The following BCAT1 variants were observed in gnomAD, a reference collection of about 807,000 sequenced individuals.
BCAT1 encodes the protein branched-chain-amino-acid aminotransferase, cytosolic.
In BCAT1, 48 loss-of-function variants were observed where a neutral mutation model predicts 52.4. The ratio of observed to expected loss-of-function variants is 0.92; its 90% CI spans 0.73 to 1.16. BCAT1 has a LOEUF of 1.16. BCAT1 is among the 50% of genes most tolerant of loss of function. The probability of loss-of-function intolerance (pLI) is 0.00; values close to 1 mark genes in which losing one functional copy is unlikely to be tolerated. For missense variants in BCAT1, 451 were observed against 457.1 expected (o/e 0.99, Z 0.12); for synonymous variants, 167 against 161.3 (o/e 1.04, Z -0.27).
chr12:24,815,455 A>G lies in BCAT1; in HGVS notation c.*2553T>C, dbSNP rs1245304371. ...AATGCTAGACCATCTTATGCCTTAA[A>G]CGATCAATTAGTGTGACAATAACTA... On this transcript the variant is annotated 3_prime_UTR_variant, in exon 11 of 11. Transcript: ENST00000261192. The G allele has an allele frequency of 1.3e-5, 2 of 152,610 alleles. No homozygotes were observed. Among genetic ancestry groups the G allele is most frequent in the East Asian group, 3.8e-4 (2 of 5,200 alleles). The allele number at this position is 152,610 out of a possible 1,614,324, so 9.5% of individuals were successfully genotyped here.
chr12:24,850,859 A>T (rs1350351994), intron 5 of BCAT1, among the ~76,000 whole-genome samples: 1 of 152,190 alleles, frequency 6.6e-6, no homozygotes, highest in Non-Finnish European at 1.5e-5. Flanking sequence ...TTCTTTGCTC[A>T]ATTAAAAACT....
chr12:24,859,138 G>A (rs1156563897), intron 5 of BCAT1, among the ~76,000 whole-genome samples: 1 of 152,158 alleles, frequency 6.6e-6, no homozygotes, highest in African/African-American at 2.4e-5. Context: ...TGTCTACAAG[G>A]TTTTCTTAAG....
rs557791024 is a variant in BCAT1 at position 24,900,486 on chromosome 12, G to A, written c.78+1328C>T. Among the ~76,000 whole-genome samples, 206 of 152,284 alleles carry A rather than the reference G, an allele frequency of 1.4e-3. 1 individual carries two copies. Among genetic ancestry groups the A allele is most frequent in the African/African-American group, 4.8e-3 (199 of 41,548 alleles). On this transcript the variant is annotated intron_variant, in intron 2 of 10. Coordinates refer to ENST00000261192, the MANE Select transcript of BCAT1 (RefSeq NM_005504.7). The stretch of plus-strand genomic sequence containing the variant: ...GCCGATAGTCTCAGGTACTTGAGAG[G>A]CTAAGAGGATCACTTGAGTCTGAGA...
rs528635829 is a variant in BCAT1 at position 24,871,745 on chromosome 12, T to C, written c.510+6785A>G. On this transcript the variant is annotated intron_variant, in intron 5 of 10. Coordinates refer to ENST00000261192, the MANE Select transcript of BCAT1 (RefSeq NM_005504.7). Reference sequence around the variant, plus strand: ...AGTAAAAAACATCCCCTGTGACAAGTTGAAATGAGCAAGAACAGCCTCAAG... The same window carrying C: ...AGTAAAAAACATCCCCTGTGACAAGCTGAAATGAGCAAGAACAGCCTCAAG... 7.9e-5 allele frequency among the ~76,000 whole-genome samples: 12 copies of C among 152,136 alleles called. 1 individual carries two copies. The highest frequency in any genetic ancestry group is 2.4e-4 in the African/African-American group (10 of 41,488).
intron 6 of BCAT1, among the ~76,000 whole-genome samples, chr12:24,846,856 T>TACTTA (rs1215882990): frequency 6.6e-6 from 1 of 152,174 alleles, no homozygotes; most frequent in Non-Finnish European, 1.5e-5. Context: ...CCAGACTGGG[T>TACTTA]GCTAAGTACT....
At position 24,825,135 on chromosome 12, in the gene BCAT1, GTATATA is replaced by G. The variant is rs10548732; in HGVS notation, c.1119+4682_1119+4687del. ...ATTGTGTGTGTGTGTGTGTGTGTGT[GTATATA>G]TATATATATATATATCTTTATGCCA... On this transcript the variant is annotated intron_variant, in intron 10 of 10. Transcript: ENST00000261192. 4.1e-3 allele frequency among the ~76,000 whole-genome samples: 593 copies of G among 146,182 alleles called. 2 individuals are homozygous for G. The highest frequency in any genetic ancestry group is 0.014 in the East Asian group (67 of 4,948).
chr12:24,864,678 G>A (rs1422903832), intron 5 of BCAT1, among the ~76,000 whole-genome samples: 2 of 152,082 alleles, frequency 1.3e-5, no homozygotes, highest in East Asian at 1.9e-4. Flanking sequence ...ACTCCCTTTA[G>A]CATCTATCCC....
At chr12:24,889,330 G>T (rs1942772347) in intron 3 of BCAT1, among the ~76,000 whole-genome samples, 1 of 152,100 alleles carries the variant, frequency 6.6e-6, no homozygotes. Context: ...ACCCAATTTG[G>T]CACTCAGAGG....
chr12:24,829,221 T>C (rs1940541702), intron 10 of BCAT1, among the ~76,000 whole-genome samples: 1 of 150,254 alleles, frequency 6.7e-6, no homozygotes, highest in South Asian at 2.1e-4. Context: ...CCATCTCTAC[T>C]AAAAACACAA....
At chr12:24,820,001 T>C (rs773123011) in intron 10 of BCAT1, among the ~76,000 whole-genome samples, 6 of 152,234 alleles carry the variant, frequency 3.9e-5, no homozygotes, top group Non-Finnish European at 8.8e-5. Flanking sequence ...ATTAATATAT[T>C]AAACACTTTC....
At chr12:24,895,399 A>C (rs1490126634) in intron 2 of BCAT1, among the ~76,000 whole-genome samples, 3 of 151,910 alleles carry the variant, frequency 2.0e-5, no homozygotes, top group Admixed American at 2.0e-4. Context: ...GGTGGCATGC[A>C]CCTGTAGTCG....
At chr12:24,917,488 T>G (rs1943436029) in intron 1 of BCAT1, among the ~76,000 whole-genome samples, 2 of 152,232 alleles carry the variant, frequency 1.3e-5, no homozygotes, top group African/African-American at 4.8e-5. Flanking sequence ...AGACGAGTTT[T>G]GGATGTTTTT....
chr12:24,901,246 G>A (rs1943094501), intron 2 of BCAT1, among the ~76,000 whole-genome samples: 1 of 152,188 alleles, frequency 6.6e-6, no homozygotes, highest in African/African-American at 2.4e-5. Flanking sequence ...AGCAGCACTA[G>A]GCATAAAAAG....
chr12:24,883,194 G>C (rs1942551803), intron 3 of BCAT1, among the ~76,000 whole-genome samples: 1 of 152,158 alleles, frequency 6.6e-6, no homozygotes, highest in Admixed American at 6.5e-5. Context: ...GCTGAGCCAG[G>C]AGAATTGCTT....
At position 24,815,294 on chromosome 12, in the gene BCAT1, A is replaced by G. The variant is rs1020727826; in HGVS notation, c.*2714T>C. 1.3e-5 allele frequency: 2 copies of G among 152,550 alleles called. No homozygotes were observed. The highest frequency in any genetic ancestry group is 1.3e-4 in the Admixed American group (2 of 15,280). The allele number at this position is 152,550 out of a possible 1,614,324, so 9.4% of individuals were successfully genotyped here. On this transcript the variant is annotated 3_prime_UTR_variant, in exon 11 of 11. Transcript: ENST00000261192. ...TTTAAGTGCCACCAGTTCTGTTTATATTAATGCACTTGTGAATTGCTGAAT... is the reference window on the plus strand; with the variant it reads ...TTTAAGTGCCACCAGTTCTGTTTATGTTAATGCACTTGTGAATTGCTGAAT...
intron 2 of BCAT1, among the ~76,000 whole-genome samples, chr12:24,898,388 A>G (rs543545267): frequency 4.3e-4 from 65 of 152,256 alleles, no homozygotes; most frequent in African/African-American, 1.5e-3. Flanking sequence ...AACAGGGCAT[A>G]TTAAAAACAA....
chr12:24,895,675 C>T, intron 2 of BCAT1, among the ~76,000 whole-genome samples: 1 of 152,010 alleles, frequency 6.6e-6, no homozygotes, highest in Non-Finnish European at 1.5e-5. Context: ...TTTGAATATA[C>T]AAAAAAAGTC....
chr12:24,901,634 G>A (rs143789475), intron 2 of BCAT1, among the ~76,000 whole-genome samples, 180 bp downstream of exon 2: 1 of 152,178 alleles, frequency 6.6e-6, no homozygotes, highest in South Asian at 2.1e-4. Flanking sequence ...TTGTTGTGAT[G>A]AATGTACTGT....
chr12:24,861,254 A>C (rs895935021), intron 5 of BCAT1, among the ~76,000 whole-genome samples: 1 of 152,252 alleles, frequency 6.6e-6, no homozygotes, highest in Non-Finnish European at 1.5e-5. Flanking sequence ...TATCTGGATC[A>C]GTATTTTAAT....
Sources: gnomAD v4.1 joint callset for allele counts (sites outside exome capture counted in the v4.1 genomes callset) on GRCh38, gnomAD v4.1.1 for gene constraint, MANE v1.5 for transcripts, NCBI Gene and HGNC (gene_info 2026-07-23, HGNC 2026-07-21) for gene names.